TNPO3: variants seen among roughly 807,000 people sequenced by gnomAD.
The protein encoded by TNPO3 is transportin 3, also known as transportin-3.
Under a neutral mutation model 122.8 loss-of-function variants are expected in TNPO3, and 65 were observed. The ratio of observed to expected loss-of-function variants is 0.53; its 90% confidence interval spans 0.43 to 0.65. TNPO3 has a LOEUF of 0.65. TNPO3 is among the 30% of genes least tolerant of loss of function. TNPO3 has a pLI of 0.00. For synonymous variants in TNPO3, 372 were observed against 411.2 expected, an observed-to-expected ratio of 0.90 and a Z score of 1.15; for missense variants, 850 against 1,136.7, an observed-to-expected ratio of 0.75 and a Z score of 3.63.
intron 22 of TNPO3, 47 bp downstream of exon 22, chr7:128,957,177 C>CAA: frequency 6.5e-7 from 1 of 1,547,992 alleles, no homozygotes; most frequent in Non-Finnish European, 8.9e-7. Context: ...CAGGCATCCC[C>CAA]AACAGTCCGA....
chr7:128,961,359 A>G (rs1259055779), intron 21 of TNPO3, among the ~76,000 whole-genome samples: 3 of 152,064 alleles, frequency 2.0e-5, no homozygotes, highest in African/African-American at 4.8e-5. Context: ...ACAATTGCCT[A>G]CAGTATTCAG....
intron 19 of TNPO3, among the ~76,000 whole-genome samples, chr7:128,972,102 G>A (rs552752375): frequency 1.3e-5 from 2 of 152,324 alleles, no homozygotes; most frequent in South Asian, 4.1e-4. Context: ...CTAGGCGACA[G>A]AGCAAGACCC....
intron 21 of TNPO3, among the ~76,000 whole-genome samples, chr7:128,958,995 C>T (rs964275443): frequency 6.6e-6 from 1 of 152,082 alleles, no homozygotes; most frequent in African/African-American, 2.4e-5. Context: ...CAGAGTGAGA[C>T]CCTGTCTCAA....
intron 1 of TNPO3, among the ~76,000 whole-genome samples, chr7:129,037,549 A>G (rs2150523256): frequency 6.6e-6 from 1 of 152,270 alleles, no homozygotes; most frequent in East Asian, 1.9e-4. Flanking sequence ...CACCCAGCAG[A>G]TCACCTTCGC....
rs1218655667 is a variant in TNPO3 at position 129,001,143 on chromosome 7, A to C, written c.788T>G (p.Leu263Trp). 1.2e-5 allele frequency: 20 copies of C among 1,614,052 alleles called. No homozygotes were observed. The highest frequency in any genetic ancestry group is 1.6e-5 in the Non-Finnish European group (19 of 1,180,032). ...LYAIENVETN[L>W]PLAMQLFQGV... ...CTGAAAAAGTTGCATGGCTAATGGC[A>C]AGTTAGTCTCCACATTCTCAATGGC... is the stretch of plus-strand genomic sequence containing the variant. Residue 263 changes from leucine to tryptophan, a missense_variant, in exon 6 of 23, where the codon TTG (leucine) becomes TGG (tryptophan). Physicochemically the swap from Leu to Trp is moderately conservative, Grantham distance 61. Transcript: ENST00000265388.
At chr7:128,958,891 C>A (rs148955147) in intron 21 of TNPO3, among the ~76,000 whole-genome samples, 91 of 152,276 alleles carry the variant, frequency 6.0e-4, no homozygotes, top group African/African-American at 1.9e-3. Context: ...GTGGTCCCAG[C>A]TACTCACGAG....
chr7:128,979,098 A>T lies in TNPO3; in HGVS notation c.1946T>A (p.Leu649Gln). 1 of 1,614,180 alleles carries T rather than the reference A, an allele frequency of 6.2e-7. No homozygotes were observed. Among genetic ancestry groups the T allele is most frequent in the Non-Finnish European group, 8.5e-7 (1 of 1,180,000 alleles). ...CCGATTATCAGCTCGGTGCTTATTTAGAGTCTCGGATAAAACTGGCCATAT... is the reference window on the plus strand; with the variant it reads ...CCGATTATCAGCTCGGTGCTTATTTTGAGTCTCGGATAAAACTGGCCATAT... ...QEIWPVLSET[L>Q]NKHRADNRIV... Residue 649 changes from leucine (L) to glutamine (Q), a missense_variant, in exon 16 of 23, where the codon CTA becomes CAA. Coordinates refer to ENST00000265388, the MANE Select transcript of TNPO3 (RefSeq NM_012470.4).
intron 1 of TNPO3, among the ~76,000 whole-genome samples, chr7:129,045,685 C>T (rs1433445117): frequency 6.6e-6 from 1 of 152,040 alleles, no homozygotes; most frequent in African/African-American, 2.4e-5. Context: ...ATAGTAGTAC[C>T]CTGATAATTT....
In TNPO3 at chr7:128,986,782, C is replaced by T. The variant is rs143136370; in HGVS notation, c.1637G>A (p.Arg546His). 30 of 1,613,886 alleles carry T rather than the reference C, an allele frequency of 1.9e-5. No individual in the cohort carries two copies. Among genetic ancestry groups the T allele is most frequent in the South Asian group, 1.5e-4 (14 of 91,052 alleles). The change falls in exon 12 of 23, where the codon CGC (arginine) becomes CAC (histidine). Residue 546 changes from arginine (R) to histidine (H), a missense_variant. Arg to His is a conservative substitution (Grantham distance 29). Coordinates refer to ENST00000265388, the MANE Select transcript of TNPO3 (RefSeq NM_012470.4). The part of the protein sequence containing the change: ...QHFNGLLEIA[R>H]SLDSFLLSPE... Reference sequence around the variant, plus strand: ...AGACAACAGGAAGGAATCGAGGGAGCGGGCAATCTCCAGGAGTCCATTAAA... The same window carrying T: ...AGACAACAGGAAGGAATCGAGGGAGTGGGCAATCTCCAGGAGTCCATTAAA...
chr7:129,004,872 C>T (rs907197431), intron 5 of TNPO3, 144 bp downstream of exon 5: 4 of 714,660 alleles, frequency 5.6e-6, no homozygotes, highest in South Asian at 2.1e-5. Context: ...TTTGGTACCT[C>T]GTAGCAAGGA....
chr7:129,027,558 CAAAAAA>C (rs71162549), intron 1 of TNPO3, among the ~76,000 whole-genome samples: 5 of 8,972 alleles, frequency 5.6e-4, no homozygotes, highest in Admixed American at 2.6e-3. Context: ...AAGACTGTCT[CAAAAAA>C]AAAAAAAAAA....
chr7:128,972,191 A>G (rs1375035349), intron 19 of TNPO3, among the ~76,000 whole-genome samples: 3 of 152,138 alleles, frequency 2.0e-5, no homozygotes, highest in Non-Finnish European at 4.4e-5. Context: ...TCTCTCTTCA[A>G]CTAGACACCA....
intron 22 of TNPO3, among the ~76,000 whole-genome samples, chr7:128,955,891 G>C (rs1350255016): frequency 1.3e-5 from 2 of 152,318 alleles, no homozygotes; most frequent in East Asian, 3.8e-4. Context: ...GTGAATTCTG[G>C]CTCCACGAAT....
chr7:128,979,138 A>G lies in TNPO3; in HGVS notation c.1921-15T>C. 1.2e-6 allele frequency: 2 copies of G among 1,613,494 alleles called. No individual in the cohort carries two copies. The highest frequency in any genetic ancestry group is 1.7e-6 in the Non-Finnish European group (2 of 1,179,632). On this transcript the variant is annotated splice_polypyrimidine_tract_variant and intron_variant, in intron 15 of 22. Coordinates refer to ENST00000265388, the MANE Select transcript of TNPO3 (RefSeq NM_012470.4). ...ACTGGCCATATCTGGGTCAAAAGTA[A>G]AAGAGCACAAGAAAGAAAATAATCA...
At chr7:129,017,875 T>C in intron 2 of TNPO3, 82 bp downstream of exon 2, 1 of 1,392,320 alleles carries the variant, frequency 7.2e-7, no homozygotes, top group Non-Finnish European at 1.0e-6. Context: ...TTACCTCACA[T>C]GGCCTAGCAA....
chr7:129,041,341 G>A (rs900389959), intron 1 of TNPO3, among the ~76,000 whole-genome samples: 4 of 152,328 alleles, frequency 2.6e-5, no homozygotes, highest in African/African-American at 9.6e-5. Context: ...CAGCCTGGGT[G>A]ACAGAGTGAG....
intron 2 of TNPO3, 122 bp from the exon 3 acceptor site, chr7:129,017,178 C>T: frequency 1.1e-6 from 1 of 879,124 alleles, no homozygotes; most frequent in South Asian, 1.6e-5. Flanking sequence ...TAACCCCCTT[C>T]CCCCATTTCT....
intron 1 of TNPO3, among the ~76,000 whole-genome samples, chr7:129,047,698 G>C (rs984355676): frequency 7.9e-5 from 12 of 152,242 alleles, no homozygotes; most frequent in Admixed American, 7.8e-4. Flanking sequence ...AGTTAGGTGG[G>C]GTGGTAGAGA....
chr7:129,045,009 T>C (rs374638459), intron 1 of TNPO3, among the ~76,000 whole-genome samples: 2 of 152,166 alleles, frequency 1.3e-5, no homozygotes, highest in East Asian at 3.8e-4. Flanking sequence ...AACGGGATAT[T>C]ATTCAGCCTT....
Sources: gnomAD v4.1 joint callset for allele counts (sites outside exome capture counted in the v4.1 genomes callset) on GRCh38, gnomAD v4.1.1 for gene constraint, MANE v1.5 for transcripts, NCBI Gene and HGNC (gene_info 2026-07-23, HGNC 2026-07-21) for gene names.